The following NUCB2 variants were observed in gnomAD, a reference collection of about 807,000 sequenced individuals.
The protein encoded by NUCB2 is nucleobindin-2.
In NUCB2, 48 loss-of-function variants were observed where a neutral mutation model predicts 57.9. That is an observed-to-expected ratio of 0.83 (90% CI 0.66 to 1.05). NUCB2 has a LOEUF of 1.05. NUCB2 is among the 50% of genes least tolerant of loss of function. The pLI is 0.00. For synonymous variants in NUCB2, 139 were observed against 152.1 expected, an observed-to-expected ratio of 0.91 and a Z score of 0.64; for missense variants, 442 against 476.2, an observed-to-expected ratio of 0.93 and a Z score of 0.67.
intron 1 of NUCB2, among the ~76,000 whole-genome samples, chr11:17,281,248 C>T (rs1942502571): frequency 6.6e-6 from 1 of 151,998 alleles, no homozygotes. Flanking sequence ...TCCTGAGTAG[C>T]TGGGACTACA....
At chr11:17,326,311 GTTTTTTTTTTT>G (rs60955119) in intron 11 of NUCB2, among the ~76,000 whole-genome samples, 2 of 71,274 alleles carry the variant, frequency 2.8e-5, no homozygotes, top group Admixed American at 2.2e-4. Flanking sequence ...CATTGTTACC[GTTTTTTTTTTT>G]TTTTTTTTTT....
At chr11:17,320,235 CT>C (rs1949841517) in intron 11 of NUCB2, among the ~76,000 whole-genome samples, 1 of 152,150 alleles carries the variant, frequency 6.6e-6, no homozygotes, top group South Asian at 2.1e-4. Context: ...AGCATTCTAT[CT>C]TTTGCCATAT....
intron 1 of NUCB2, among the ~76,000 whole-genome samples, chr11:17,282,206 A>T (rs11024235): frequency 7.0e-6 from 1 of 143,350 alleles, no homozygotes; most frequent in South Asian, 2.2e-4. Flanking sequence ...ATATCTATAT[A>T]TCTATATCTA....
At chr11:17,296,010 C>A in intron 3 of NUCB2, 94 bp from the exon 4 acceptor site, 2 of 591,270 alleles carry the variant, frequency 3.4e-6, no homozygotes, top group South Asian at 2.7e-5. Flanking sequence ...GTCTTAATGC[C>A]ATTTTGCTAG....
intron 5 of NUCB2, among the ~76,000 whole-genome samples, chr11:17,303,586 A>T (rs764236026): frequency 3.3e-5 from 5 of 152,170 alleles, no homozygotes; most frequent in Non-Finnish European, 7.4e-5. Flanking sequence ...AAATGCAAGG[A>T]TATCTTAAAG....
intron 2 of NUCB2, among the ~76,000 whole-genome samples, chr11:17,291,721 T>G (rs1434955253): frequency 6.6e-6 from 1 of 152,132 alleles, no homozygotes; most frequent in Non-Finnish European, 1.5e-5. Flanking sequence ...GGAGGAGCTT[T>G]GTTTCTGCTT....
At chr11:17,322,584 A>G (rs1040676035) in intron 11 of NUCB2, among the ~76,000 whole-genome samples, 1 of 152,096 alleles carries the variant, frequency 6.6e-6, no homozygotes, top group Non-Finnish European at 1.5e-5. Context: ...GTAGTTTCAC[A>G]TACATTTTAG....
rs555463028 is a variant in NUCB2, at chr11:17,280,362, A to G, written c.-155-2427A>G. ...CTTGATCAGGGAAAAGCTGGAGTCC[A>G]ACTCAGCTGGTCATACACTTGATAT... On this transcript the variant is annotated intron_variant, in intron 1 of 13. Transcript: ENST00000529010. Among the ~76,000 whole-genome samples, 340 of 152,352 alleles carry G rather than the reference A, an allele frequency of 2.2e-3. 1 individual carries two copies. The highest frequency in any genetic ancestry group is 7.7e-3 in the African/African-American group (322 of 41,582).
chr11:17,324,969 T>C (rs1038339989), intron 11 of NUCB2, among the ~76,000 whole-genome samples: 8 of 151,600 alleles, frequency 5.3e-5, no homozygotes, highest in Non-Finnish European at 1.0e-4. Flanking sequence ...GCCCGGCTAA[T>C]TTTTGTATCT....
At chr11:17,336,988 T>C (rs1427139727), downstream of NUCB2, among the ~76,000 whole-genome samples, 1 of 152,070 alleles carries the variant, frequency 6.6e-6, no homozygotes, top group Non-Finnish European at 1.5e-5. Flanking sequence ...TCATCCAGGC[T>C]GGAGTACAGT....
intron 2 of NUCB2, among the ~76,000 whole-genome samples, chr11:17,339,971 A>G (rs1591631843): frequency 6.6e-6 from 1 of 152,182 alleles, no homozygotes; most frequent in Non-Finnish European, 1.5e-5. Flanking sequence ...TCCCACCAAC[A>G]GTGTAAAAGT....
chr11:17,315,686 G>A (rs1419401441), intron 11 of NUCB2, among the ~76,000 whole-genome samples: 1 of 152,038 alleles, frequency 6.6e-6, no homozygotes, highest in Non-Finnish European at 1.5e-5. Flanking sequence ...CATAAAATTG[G>A]AAGTCTTTTA....
At chr11:17,281,403 A>G (rs557365300) in intron 1 of NUCB2, among the ~76,000 whole-genome samples, 190 of 152,256 alleles carry the variant, frequency 1.2e-3, no homozygotes, top group African/African-American at 4.4e-3. Flanking sequence ...TATAGGTGTG[A>G]GCCACCATGC....
At chr11:17,290,909 A>T (rs1944829121) in intron 2 of NUCB2, among the ~76,000 whole-genome samples, 1 of 152,204 alleles carries the variant, frequency 6.6e-6, no homozygotes. Flanking sequence ...TTTTAAAAAA[A>T]TTGAAATATG....
chr11:17,302,364 A>G (rs1256796518), intron 5 of NUCB2, among the ~76,000 whole-genome samples: 9 of 152,212 alleles, frequency 5.9e-5, no homozygotes, highest in Non-Finnish European at 4.4e-5. Flanking sequence ...ATAATAAGCC[A>G]TAATTATAGC....
In NUCB2 at chr11:17,308,567, T is replaced by A. The variant is rs187447248; in HGVS notation, c.380-1005T>A. Among the ~76,000 whole-genome samples, 44 of 152,304 alleles carry A rather than the reference T, an allele frequency of 2.9e-4. 1 individual carries two copies. The highest frequency in any genetic ancestry group is 2.6e-3 in the Admixed American group (39 of 15,284). ...AGCTGATTTCCAACAACTTCAACAA[T>A]GTACCCATTTTGCTCAATTCTAGAA... On this transcript the variant is annotated intron_variant, in intron 5 of 13. Transcript: ENST00000529010.
chr11:17,294,818 C>T (rs569540050), intron 2 of NUCB2, among the ~76,000 whole-genome samples: 264 of 152,062 alleles, frequency 1.7e-3, no homozygotes, highest in Middle Eastern at 3.4e-3. Context: ...GAGGCCAAGG[C>T]GGGCGGATCA....
At chr11:17,288,484 C>T (rs569563964) in intron 2 of NUCB2, among the ~76,000 whole-genome samples, 1 of 152,026 alleles carries the variant, frequency 6.6e-6, no homozygotes, top group East Asian at 1.9e-4. Context: ...CAAGCCACTG[C>T]ACCCAGCCCA....
intron 2 of NUCB2, among the ~76,000 whole-genome samples, chr11:17,340,940 C>T (rs1356065523): frequency 6.6e-6 from 1 of 152,200 alleles, no homozygotes; most frequent in Admixed American, 6.5e-5. Context: ...AATATTGATT[C>T]TTCCTACCCA....
Sources: gnomAD v4.1 joint callset for allele counts (sites outside exome capture counted in the v4.1 genomes callset) on GRCh38, gnomAD v4.1.1 for gene constraint, MANE v1.5 for transcripts, NCBI Gene and HGNC (gene_info 2026-07-23, HGNC 2026-07-21) for gene names.